The following MYO5B variants were observed in gnomAD, a reference collection of about 807,000 sequenced individuals.
The protein encoded by MYO5B is myosin VB.
A neutral mutation model predicts 229.3 loss-of-function variants in MYO5B; 143 were observed. That is an observed-to-expected ratio of 0.62 (90% CI 0.54 to 0.72). The LOEUF (loss-of-function observed/expected upper bound fraction) is 0.72, where lower values mean the gene tolerates loss of function less well. Ranked by LOEUF, MYO5B falls within the 30% of genes least tolerant of loss-of-function variation. MYO5B has a pLI of 0.00. For synonymous variants in MYO5B, 918 were observed against 885.2 expected (o/e 1.04, Z -0.66); for missense variants, 2,321 against 2,331.0 (o/e 1.00, Z 0.09).
intron 2 of MYO5B, among the ~76,000 whole-genome samples, chr18:50,041,342 A>C (rs2030009636): frequency 6.6e-6 from 1 of 152,228 alleles, no homozygotes; most frequent in African/African-American, 2.4e-5. Flanking sequence ...CTGGGGTAAT[A>C]GTCAATTTTC....
chr18:50,157,418 T>C (rs1479423094), intron 1 of MYO5B, among the ~76,000 whole-genome samples: 1 of 152,220 alleles, frequency 6.6e-6, no homozygotes, highest in Non-Finnish European at 1.5e-5. Flanking sequence ...AAATATCCTA[T>C]GTGATCTGAC....
intron 12 of MYO5B, among the ~76,000 whole-genome samples, chr18:49,956,690 CT>C (rs2025496108): frequency 6.6e-6 from 1 of 152,274 alleles, no homozygotes; most frequent in Admixed American, 6.5e-5. Context: ...ATATGAACTT[CT>C]TTCTGCTCTT....
intron 26 of MYO5B, 87 bp from the exon 27 acceptor site, chr18:49,872,319 T>C (rs1193048370): frequency 5.9e-6 from 8 of 1,362,968 alleles, no homozygotes; most frequent in Non-Finnish European, 8.4e-6. Flanking sequence ...AACTTGCTCA[T>C]CCTGCCTGTG....
At chr18:50,074,810 G>T (rs2144455930) in intron 1 of MYO5B, among the ~76,000 whole-genome samples, 1 of 152,034 alleles carries the variant, frequency 6.6e-6, no homozygotes, top group Admixed American at 6.5e-5. Flanking sequence ...GAGACCCATG[G>T]TTTTTTTGGG....
intron 1 of MYO5B, among the ~76,000 whole-genome samples, chr18:50,178,771 T>C (rs180852370): frequency 2.4e-4 from 37 of 152,310 alleles, no homozygotes; most frequent in East Asian, 1.7e-3. Flanking sequence ...GCAATTCAGA[T>C]GGACATCTTC....
At chr18:50,030,932 A>C (rs2026381922) in intron 4 of MYO5B, among the ~76,000 whole-genome samples, 1 of 145,828 alleles carries the variant, frequency 6.9e-6, no homozygotes. Context: ...AATAAAACAC[A>C]TGGCTCAAAA....
chr18:49,908,617 T>C (rs1598874752), intron 18 of MYO5B, among the ~76,000 whole-genome samples: 1 of 152,306 alleles, frequency 6.6e-6, no homozygotes, highest in African/African-American at 2.4e-5. Flanking sequence ...TTGTGCTCCG[T>C]TGGCTCCCTG....
chr18:50,023,949 C>T (rs2026304234), intron 4 of MYO5B, among the ~76,000 whole-genome samples: 1 of 152,290 alleles, frequency 6.6e-6, no homozygotes, highest in South Asian at 2.1e-4. Flanking sequence ...TCACTCTATG[C>T]ACTACCTCAA....
At chr18:49,858,584 C>T (rs1185911718) in intron 29 of MYO5B, among the ~76,000 whole-genome samples, 2 of 152,208 alleles carry the variant, frequency 1.3e-5, no homozygotes, top group Non-Finnish European at 2.9e-5. Context: ...CTGTCGTCCC[C>T]GTAAACCTAC....
chr18:49,941,220 A>T (rs181398348), intron 14 of MYO5B, among the ~76,000 whole-genome samples: 1 of 152,180 alleles, frequency 6.6e-6, no homozygotes, highest in African/African-American at 2.4e-5. Context: ...CACCAGAGTG[A>T]CTTGCATGCA....
chr18:49,904,706 G>T lies in MYO5B; in HGVS notation c.2537C>A (p.Thr846Asn). Residue 846 changes from threonine (T) to asparagine (N), a missense_variant, in exon 20 of 40, where the codon ACC becomes AAC. By Grantham distance (65) the Thr-to-Asn change is moderately conservative. This residue lies in a region of MYO5B where 2,113 missense variants were observed against 2,044.7 expected (regional missense o/e 1.03). Coordinates refer to ENST00000285039, the MANE Select transcript of MYO5B (RefSeq NM_001080467.3). ...RRAAVVIQAF[T>N]RAMFVRRTYR... ...GGTTCTCCGCACAAACATGGCCCGGGTGAAGGCCTGGATAACAACGGCAGC... is the reference window on the plus strand; with the variant it reads ...GGTTCTCCGCACAAACATGGCCCGGTTGAAGGCCTGGATAACAACGGCAGC... 1.2e-6 allele frequency: 2 copies of T among 1,614,100 alleles called. No individual in the cohort carries two copies. The highest frequency in any genetic ancestry group is 1.7e-6 in the Non-Finnish European group (2 of 1,180,046).
intron 2 of MYO5B, among the ~76,000 whole-genome samples, chr18:50,043,007 T>A (rs1405750819): frequency 6.6e-6 from 1 of 151,980 alleles, no homozygotes; most frequent in African/African-American, 2.4e-5. Context: ...ATACAACCAC[T>A]ATGGAAAATA....
chr18:49,881,724 CT>C (rs11362583), intron 22 of MYO5B, among the ~76,000 whole-genome samples: 151,808 of 151,808 alleles, frequency 1, 75,904 homozygotes, highest in Non-Finnish European at 1. Flanking sequence ...ATGGCGTGAA[CT>C]CCAGGAAGAA....
chr18:50,024,588 T>TAC (rs2026310890), intron 4 of MYO5B, among the ~76,000 whole-genome samples: 4 of 152,222 alleles, frequency 2.6e-5, no homozygotes, highest in African/African-American at 9.6e-5. Context: ...TTCCGTCATC[T>TAC]TTTGGCTGTA....
At chr18:49,834,503 C>T (rs188919427) in intron 39 of MYO5B, among the ~76,000 whole-genome samples, 4 of 152,310 alleles carry the variant, frequency 2.6e-5, no homozygotes, top group East Asian at 1.9e-4. Context: ...AAAGGTCAGG[C>T]GCTCAGCCAT....
Position 50,176,811 on chromosome 18 carries a change from T to C in MYO5B, c.27+17956A>G, listed in dbSNP as rs146136943. ...TATCCTTTTCTAAAGGCTGCAACTATTTAAGCAACTGCTTTTTTTGCTCCC... is the reference window on the plus strand; with the variant it reads ...TATCCTTTTCTAAAGGCTGCAACTACTTAAGCAACTGCTTTTTTTGCTCCC... On this transcript the variant is annotated intron_variant, in intron 1 of 39. Transcript: ENST00000285039. 1.6e-3 allele frequency among the ~76,000 whole-genome samples: 250 copies of C among 152,360 alleles called. 1 individual carries two copies. The highest frequency in any genetic ancestry group is 3.1e-3 in the Non-Finnish European group (214 of 68,038).
intron 1 of MYO5B, among the ~76,000 whole-genome samples, chr18:50,072,424 G>A (rs1178636664): frequency 6.6e-6 from 1 of 152,118 alleles, no homozygotes; most frequent in Admixed American, 6.5e-5. Context: ...TCACATTCAG[G>A]GAGTGTAGCC....
intron 1 of MYO5B, among the ~76,000 whole-genome samples, chr18:50,066,551 T>C (rs1568093112): frequency 6.6e-6 from 1 of 152,270 alleles, no homozygotes; most frequent in African/African-American, 2.4e-5. Context: ...ATGCTAAGAA[T>C]AGAGAAGAAA....
chr18:49,894,915 C>A, intron 22 of MYO5B, 26 bp downstream of exon 22: 1 of 1,599,426 alleles, frequency 6.3e-7, no homozygotes, highest in East Asian at 2.2e-5. Context: ...TGCTTGCCAG[C>A]GCCTGCCCCT....
Sources: gnomAD v4.1 joint callset for allele counts (sites outside exome capture counted in the v4.1 genomes callset) on GRCh38, gnomAD v4.1.1 for gene constraint, gnomAD v4.1.1 regional missense constraint, MANE v1.5 for transcripts, NCBI Gene and HGNC (gene_info 2026-07-23, HGNC 2026-07-21) for gene names.